Variants in DLG2 observed in about 807,000 individuals in gnomAD.
DLG2 encodes the protein discs large MAGUK scaffold protein 2.
DLG2 carries 45 observed loss-of-function variants against 132.5 expected under a neutral mutation model. That is an observed-to-expected ratio of 0.34 (90% CI 0.27 to 0.44). The LOEUF is 0.44. Ranked by LOEUF, DLG2 falls within the 20% of genes least tolerant of loss-of-function variation. The probability of loss-of-function intolerance (pLI) is 1.00; values close to 1 mark genes in which losing one functional copy is unlikely to be tolerated. For missense variants in DLG2, 1,045 were observed against 1,196.9 expected, an observed-to-expected ratio of 0.87 and a Z score of 1.87; for synonymous variants, 424 against 419.6, an observed-to-expected ratio of 1.01 and a Z score of -0.13.
chr11:84,654,311 C>T (rs1444196294), intron 6 of DLG2, among the ~76,000 whole-genome samples: 2 of 152,112 alleles, frequency 1.3e-5, no homozygotes, highest in African/African-American at 2.4e-5. Context: ...TCTGTGAGGG[C>T]AGGGGCTATG....
intron 3 of DLG2, among the ~76,000 whole-genome samples, chr11:85,578,269 A>G (rs1236427306): frequency 6.6e-6 from 1 of 152,196 alleles, no homozygotes; most frequent in Non-Finnish European, 1.5e-5. Flanking sequence ...TAAATGTAAA[A>G]CCCAAAATTA....
chr11:85,038,494 G>T (rs2061593036), intron 6 of DLG2, among the ~76,000 whole-genome samples: 1 of 152,008 alleles, frequency 6.6e-6, no homozygotes, highest in African/African-American at 2.4e-5. Context: ...AGGTTACTGA[G>T]ATATTTACAC....
At chr11:84,984,369 T>G (rs544929603) in intron 6 of DLG2, among the ~76,000 whole-genome samples, 1 of 152,246 alleles carries the variant, frequency 6.6e-6, no homozygotes, top group Non-Finnish European at 1.5e-5. Flanking sequence ...GAATTTTGTA[T>G]CCAGTGAAAC....
At chr11:85,516,620 T>C (rs1281307271) in intron 3 of DLG2, among the ~76,000 whole-genome samples, 2 of 151,942 alleles carry the variant, frequency 1.3e-5, no homozygotes, top group East Asian at 1.9e-4. Flanking sequence ...GAAATACAAT[T>C]GATAATCAGA....
intron 4 of DLG2, among the ~76,000 whole-genome samples, chr11:85,209,898 G>A (rs1361004142): frequency 4.0e-5 from 6 of 151,896 alleles, no homozygotes; most frequent in Non-Finnish European, 7.4e-5. Flanking sequence ...GCAGACTCCT[G>A]CCCTCAGAGG....
intron 11 of DLG2, among the ~76,000 whole-genome samples, chr11:84,040,666 C>T (rs537627309): frequency 2.0e-5 from 3 of 150,780 alleles, no homozygotes; most frequent in African/African-American, 7.3e-5. Context: ...ATGCCTCCAG[C>T]TTTGTTCTTT....
intron 6 of DLG2, among the ~76,000 whole-genome samples, chr11:84,973,197 G>T (rs2054355972): frequency 6.6e-6 from 1 of 152,094 alleles, no homozygotes; most frequent in Non-Finnish European, 1.5e-5. Flanking sequence ...AACCTCAGGT[G>T]ATCTGCCTGC....
intron 19 of DLG2, among the ~76,000 whole-genome samples, chr11:83,554,190 C>A (rs2096464898): frequency 5.9e-5 from 9 of 152,088 alleles, no homozygotes; most frequent in Admixed American, 4.6e-4. Context: ...GGCCTATAGT[C>A]TTTAAACTTT....
chr11:85,236,902 A>C (rs1395121573), intron 4 of DLG2, among the ~76,000 whole-genome samples: 2 of 152,050 alleles, frequency 1.3e-5, no homozygotes, highest in African/African-American at 4.8e-5. Flanking sequence ...TGATGACACA[A>C]TGTGTTAAAG....
chr11:84,073,661 C>A (rs1227548653), intron 10 of DLG2, among the ~76,000 whole-genome samples: 1 of 152,116 alleles, frequency 6.6e-6, no homozygotes, highest in Non-Finnish European at 1.5e-5. Flanking sequence ...TAAACTTTAG[C>A]GGTTAGGCTT....
At chr11:83,967,702 G>A (rs917916139) in intron 12 of DLG2, among the ~76,000 whole-genome samples, 3 of 151,938 alleles carry the variant, frequency 2.0e-5, no homozygotes, top group African/African-American at 7.3e-5. Context: ...TGTTTCCTTT[G>A]CTTTGCAGAA....
intron 18 of DLG2, among the ~76,000 whole-genome samples, chr11:83,662,113 T>C (rs2074430717): frequency 6.6e-6 from 1 of 152,174 alleles, no homozygotes; most frequent in African/African-American, 2.4e-5. Context: ...TTGCCACTTA[T>C]GACTCTACTA....
At chr11:84,486,700 G>A (rs1203763210) in intron 7 of DLG2, among the ~76,000 whole-genome samples, 1 of 152,046 alleles carries the variant, frequency 6.6e-6, no homozygotes, top group Non-Finnish European at 1.5e-5. Flanking sequence ...GTATGTATCA[G>A]CCACTAATAA....
At chr11:83,942,378 T>C (rs999045628) in intron 14 of DLG2, among the ~76,000 whole-genome samples, 1 of 152,174 alleles carries the variant, frequency 6.6e-6, no homozygotes, top group African/African-American at 2.4e-5. Flanking sequence ...TTTTTGTGAA[T>C]AATAAAAAAT....
At chr11:85,066,176 T>C (rs2064894483) in intron 6 of DLG2, among the ~76,000 whole-genome samples, 1 of 151,598 alleles carries the variant, frequency 6.6e-6, no homozygotes, top group South Asian at 2.1e-4. Flanking sequence ...AGCATCTCTA[T>C]GAACAAATAC....
intron 7 of DLG2, among the ~76,000 whole-genome samples, chr11:84,283,082 A>G (rs1273253771): frequency 6.6e-6 from 1 of 152,148 alleles, no homozygotes; most frequent in Admixed American, 6.5e-5. Context: ...GAGGTCCTCT[A>G]TCCTAAAATT....
intron 3 of DLG2, among the ~76,000 whole-genome samples, chr11:85,364,321 C>T (rs2084374751): frequency 6.6e-6 from 1 of 152,116 alleles, no homozygotes; most frequent in Admixed American, 6.6e-5. Flanking sequence ...GAGCTAAAGT[C>T]CACTCTGCCA....
chr11:84,046,555 T>G (rs1302833826), intron 11 of DLG2, among the ~76,000 whole-genome samples: 1 of 151,628 alleles, frequency 6.6e-6, no homozygotes, highest in Non-Finnish European at 1.5e-5. Context: ...TGTATATACC[T>G]TCATTCACCA....
At chr11:84,518,681 T>C (rs2099281309) in intron 7 of DLG2, among the ~76,000 whole-genome samples, 1 of 152,134 alleles carries the variant, frequency 6.6e-6, no homozygotes, top group South Asian at 2.1e-4. Flanking sequence ...TTTCCTTAAA[T>C]TGCTGAGATT....
Sources: allele counts gnomAD v4.1 joint callset (sites outside exome capture counted in the v4.1 genomes callset), GRCh38; gene constraint gnomAD v4.1.1; transcripts MANE v1.5; gene names NCBI Gene and HGNC (gene_info 2026-07-23, HGNC 2026-07-21).